Variants in KCNJ16 observed in about 807,000 individuals in gnomAD.
KCNJ16 encodes inward rectifier potassium channel 16.
In KCNJ16, 15 loss-of-function variants were observed where a neutral mutation model predicts 18.5. The ratio of observed to expected loss-of-function variants is 0.81; its 90% CI spans 0.54 to 1.25. KCNJ16 has a LOEUF of 1.25. Ranked by LOEUF, KCNJ16 falls within the 50% of genes most tolerant of loss-of-function variation. The probability of loss-of-function intolerance (pLI) is 0.00; values close to 1 mark genes in which losing one functional copy is unlikely to be tolerated. For synonymous variants in KCNJ16, 174 were observed against 186.5 expected, an observed-to-expected ratio of 0.93 and a Z score of 0.55; for missense variants, 523 against 525.7, an observed-to-expected ratio of 0.99 and a Z score of 0.05.
chr17:70,115,507 C>A (rs765370303), intron 2 of KCNJ16, among the ~76,000 whole-genome samples: 13 of 152,090 alleles, frequency 8.5e-5, no homozygotes, highest in South Asian at 8.3e-4. Flanking sequence ...TTAACATTTT[C>A]TTTCCAAAGT....
intron 1 of KCNJ16, among the ~76,000 whole-genome samples, chr17:70,078,470 T>C (rs190568995): frequency 1.2e-4 from 18 of 152,340 alleles, no homozygotes; most frequent in African/African-American, 2.6e-4. Flanking sequence ...TGGCTTCAGA[T>C]TGTATTTTGT....
chr17:70,131,898 A>ATT, intron 3 of KCNJ16, 97 bp from the exon 4 acceptor site: 1 of 1,037,404 alleles, frequency 9.6e-7, no homozygotes, highest in Non-Finnish European at 1.4e-6. Context: ...AGTCGTAGCT[A>ATT]TTTTAGATGG....
chr17:70,107,481 T>C lies in KCNJ16; in HGVS notation c.-191+6715T>C, dbSNP rs569106240. On this transcript the variant is annotated intron_variant, in intron 2 of 3. Transcript: ENST00000392671. ...CTTGTAGCCATTCTGCTGAGTTGTA[T>C]TTTTTTTTCATTGTTGCTTAGAAGA... 1.3e-4 allele frequency among the ~76,000 whole-genome samples: 19 copies of C among 150,520 alleles called. No individual in the cohort carries two copies. The East Asian group carries it at 3.7e-3, about 29-fold the overall frequency.
intron 1 of KCNJ16, among the ~76,000 whole-genome samples, chr17:70,093,480 C>G (rs2072217553): frequency 6.6e-6 from 1 of 152,144 alleles, no homozygotes; most frequent in African/African-American, 2.4e-5. Context: ...CGGGCCCACT[C>G]TAATGACTTT....
intron 2 of KCNJ16, among the ~76,000 whole-genome samples, chr17:70,117,026 C>T (rs1360763362): frequency 6.6e-6 from 1 of 152,128 alleles, no homozygotes; most frequent in Non-Finnish European, 1.5e-5. Flanking sequence ...GCACCATTCA[C>T]AATAGCAAAG....
chr17:70,124,687 A>G (rs2041833671), intron 2 of KCNJ16, among the ~76,000 whole-genome samples: 1 of 152,216 alleles, frequency 6.6e-6, no homozygotes, highest in Admixed American at 6.5e-5. Flanking sequence ...GATAAGAATA[A>G]GAGAAAGTTT....
intron 2 of KCNJ16, 195 bp downstream of exon 2, chr17:70,100,961 C>A (rs1046632771): frequency 6.6e-6 from 1 of 152,206 alleles, no homozygotes; most frequent in Admixed American, 6.5e-5. Flanking sequence ...TCACATTTTA[C>A]ACGTTTACTG....
At chr17:70,119,631 C>G (rs1247435136) in intron 2 of KCNJ16, among the ~76,000 whole-genome samples, 1 of 152,206 alleles carries the variant, frequency 6.6e-6, no homozygotes, top group Non-Finnish European at 1.5e-5. Context: ...GTCTGGGGCC[C>G]TTTGAGCTAA....
In KCNJ16 at chr17:70,132,837, G is replaced by C; in HGVS notation, c.750G>C (p.Pro250=). The change falls in exon 4 of 4, where the codon CCG becomes CCC. Residue 250 remains proline (P), a synonymous_variant. Coordinates refer to ENST00000392671, the MANE Select transcript of KCNJ16 (RefSeq NM_170741.4). ...LVNDQIILVT[P]VTIVHEIDHE... Reference sequence around the variant, plus strand: ...ACGACCAAATCATCCTGGTCACCCCGGTAACTATTGTCCATGAAATTGACC... The same window carrying C: ...ACGACCAAATCATCCTGGTCACCCCCGTAACTATTGTCCATGAAATTGACC... 2 of 1,613,972 alleles carry C rather than the reference G, an allele frequency of 1.2e-6. No individual in the cohort carries two copies. Among genetic ancestry groups the C allele is most frequent in the East Asian group, 4.5e-5 (2 of 44,868 alleles).
At chr17:70,129,943 TTTA>T (rs1555598104) in intron 2 of KCNJ16, among the ~76,000 whole-genome samples, 5 of 146,526 alleles carry the variant, frequency 3.4e-5, no homozygotes, top group East Asian at 1.9e-4. Flanking sequence ...TATTTATTTA[TTTA>T]TTTTTTGGCA....
intron 1 of KCNJ16, among the ~76,000 whole-genome samples, 166 bp from the exon 2 acceptor site, chr17:70,100,486 ATTACTC>A (rs1347961992): frequency 6.6e-6 from 1 of 152,162 alleles, no homozygotes; most frequent in African/African-American, 2.4e-5. Context: ...CCCGAAAAAC[ATTACTC>A]TCACTCACCA....
chr17:70,096,888 AC>A (rs1452328388), intron 1 of KCNJ16: 4 of 398,194 alleles, frequency 1.0e-5, no homozygotes, highest in Non-Finnish European at 8.9e-6. Context: ...GTGTAGACCA[AC>A]CTACATTTAA....
At position 70,130,887 on chromosome 17, in the gene KCNJ16, CAA is replaced by C. The variant is rs2074031976; in HGVS notation, c.-181_-180del. On this transcript the variant is annotated 5_prime_UTR_variant, in exon 3 of 4. Transcript: ENST00000392671. ...TTGTTTGTTTTGCACAGGAGTAACT[CAA>C]GATGATTTTGATGTTGCAGTTTTAA... 1.5e-6 allele frequency: 2 copies of C among 1,311,210 alleles called. No homozygotes were observed. The highest frequency in any genetic ancestry group is 1.3e-5 in the South Asian group (1 of 79,442). 81.2% of individuals were successfully genotyped at this position (1,311,210 alleles called of 1,614,324 possible).
At chr17:70,093,184 T>C (rs915825355) in intron 1 of KCNJ16, among the ~76,000 whole-genome samples, 1 of 152,206 alleles carries the variant, frequency 6.6e-6, no homozygotes. Flanking sequence ...TATAGTATTA[T>C]TTGTCTAAGG....
At chr17:70,127,567 C>G (rs1211048360) in intron 2 of KCNJ16, among the ~76,000 whole-genome samples, 1 of 151,996 alleles carries the variant, frequency 6.6e-6, no homozygotes, top group East Asian at 1.9e-4. Flanking sequence ...CCCATATGTA[C>G]CAACCAACTG....
chr17:70,088,114 C>T (rs1028416818), intron 1 of KCNJ16, among the ~76,000 whole-genome samples: 1 of 150,886 alleles, frequency 6.6e-6, no homozygotes, highest in African/African-American at 2.4e-5. Context: ...AAACTGTTTT[C>T]TTTTCAAATT....
At chr17:70,107,301 G>GA (rs1261544579) in intron 2 of KCNJ16, among the ~76,000 whole-genome samples, 4 of 152,174 alleles carry the variant, frequency 2.6e-5, no homozygotes, top group Non-Finnish European at 4.4e-5. Flanking sequence ...AATTCATCTG[G>GA]AATCACAAGT....
chr17:70,097,835 G>A (rs2072449793), intron 1 of KCNJ16, among the ~76,000 whole-genome samples: 1 of 151,812 alleles, frequency 6.6e-6, no homozygotes, highest in South Asian at 2.1e-4. Flanking sequence ...CTTCATTATG[G>A]ATTTCTAATT....
At chr17:70,101,456 T>A (rs937189384) in intron 2 of KCNJ16, 1 of 152,256 alleles carries the variant, frequency 6.6e-6, no homozygotes, top group African/African-American at 2.4e-5. Context: ...CATATCAATC[T>A]GCTAGGTTAA....
Sources: gnomAD v4.1 joint callset for allele counts (sites outside exome capture counted in the v4.1 genomes callset) on GRCh38, gnomAD v4.1.1 for gene constraint, MANE v1.5 for transcripts, NCBI Gene and HGNC (gene_info 2026-07-23, HGNC 2026-07-21) for gene names.